Variants in NLRP1 observed in about 807,000 individuals in gnomAD.
NLRP1 encodes NACHT, LRR and PYD domains-containing protein 1.
Under a neutral mutation model 136.7 loss-of-function variants are expected in NLRP1, and 94 were observed. That is an observed-to-expected ratio of 0.69 (90% CI 0.58 to 0.82). The LOEUF is 0.82. Among genes scored for constraint, NLRP1 ranks in the 40% least tolerant of loss-of-function variants. The pLI is 0.00. For missense variants in NLRP1, 1,575 were observed against 1,802.7 expected (o/e 0.87, Z 2.29); for synonymous variants, 690 against 725.1 (o/e 0.95, Z 0.78).
chr17:5,581,694 C>T lies in NLRP1; in HGVS notation c.652+165G>A, dbSNP rs776012068. On this transcript the variant is annotated intron_variant, in intron 3 of 16. Transcript: ENST00000572272. The stretch of plus-strand genomic sequence containing the variant: ...GTCCAGGTGCCTCCTGGAAACAGTG[C>T]CTTGGACCAGTGGAGAGGCTCCAAG... Among the ~76,000 whole-genome samples the T allele has an allele frequency of 2.2e-4, 34 of 152,202 alleles. 7 individuals carry two copies. Among genetic ancestry groups the T allele is most frequent in the Admixed American group, 1.7e-3 (26 of 15,290 alleles).
chr17:5,547,726 C>T (rs1043275513), intron 5 of NLRP1, among the ~76,000 whole-genome samples: 1 of 152,214 alleles, frequency 6.6e-6, no homozygotes, highest in Middle Eastern at 3.4e-3. Flanking sequence ...TGGTGGTTCT[C>T]CTTGGATAGG....
rs142820475 is a variant in NLRP1, at chr17:5,560,128, C to T, written c.653-85G>A. On this transcript the variant is annotated intron_variant, in intron 3 of 16. Transcript: ENST00000572272. Reference sequence around the variant, plus strand: ...ATTAAACAACTGTTTTAGGCACCTACTCCAAGCCACACACTGCGCTGTCTG... The same window carrying T: ...ATTAAACAACTGTTTTAGGCACCTATTCCAAGCCACACACTGCGCTGTCTG... 1,365 of 1,237,562 alleles carry T rather than the reference C, an allele frequency of 1.1e-3. 19 individuals are homozygous for T. In the Admixed American group the frequency reaches 0.028, roughly 26 times the overall value. The allele number at this position is 1,237,562 out of a possible 1,614,324, so 76.7% of individuals were successfully genotyped here. A position where few individuals can be genotyped will look rare whatever the true frequency, so the allele number is the denominator to read the frequency against.
At chr17:5,572,131 A>T (rs1338389907) in intron 3 of NLRP1, among the ~76,000 whole-genome samples, 1 of 152,222 alleles carries the variant, frequency 6.6e-6, no homozygotes, top group Non-Finnish European at 1.5e-5. Flanking sequence ...CGTAAAACCT[A>T]GAACTTTAAA....
rs1221777507 is a variant in NLRP1, at chr17:5,532,277, CACA to C, written c.3296+542_3296+544del. On this transcript the variant is annotated intron_variant, in intron 11 of 16. Coordinates refer to ENST00000572272, the MANE Select transcript of NLRP1 (RefSeq NM_033004.4). The stretch of plus-strand genomic sequence containing the variant: ...CAAATCAAACCAAACCCAACCAAAC[CACA>C]ACACCAACTATAAGAACATGTTTTA... Among the ~76,000 whole-genome samples the C allele has an allele frequency of 2.0e-5, 3 of 152,088 alleles. No homozygotes were observed. In the South Asian group the frequency reaches 6.2e-4, roughly 32 times the overall value.
Position 5,534,056 on chromosome 17 carries a change from C to T in NLRP1, c.2961-68G>A, listed in dbSNP as rs887829034. 8.0e-6 allele frequency: 9 copies of T among 1,129,034 alleles called. No individual in the cohort carries two copies. The South Asian group carries it at 1.1e-4, about 14-fold the overall frequency. 69.9% of individuals were successfully genotyped at this position (1,129,034 alleles called of 1,614,324 possible). Reference sequence around the variant, plus strand: ...GCGAGGGCTGTCCACATGACATTCCCACTAAAAATTCAACTCCTCCTCGGG... The same window carrying T: ...GCGAGGGCTGTCCACATGACATTCCTACTAAAAATTCAACTCCTCCTCGGG... On this transcript the variant is annotated intron_variant, in intron 8 of 16. Transcript: ENST00000572272.
chr17:5,561,729 C>T (rs1914779513), intron 3 of NLRP1, among the ~76,000 whole-genome samples: 2 of 43,066 alleles, frequency 4.6e-5, no homozygotes, highest in Admixed American at 2.3e-4. Flanking sequence ...AGGCGTGAGC[C>T]ACCGCGCCCG....
downstream of NLRP1, among the ~76,000 whole-genome samples, chr17:5,510,697 G>C (rs1907582121): frequency 6.6e-6 from 1 of 151,862 alleles, no homozygotes; most frequent in Non-Finnish European, 1.5e-5. Context: ...TTTTTTTTAA[G>C]AGACGGGGTC....
rs201872287 is a variant in NLRP1 at position 5,539,412 on chromosome 17, T to C, written c.2870+3A>G. The C allele has an allele frequency of 1.9e-5, 30 of 1,610,700 alleles. No individual in the cohort carries two copies. Among genetic ancestry groups the C allele is most frequent in the Non-Finnish European group, 2.5e-5 (30 of 1,178,336 alleles). On this transcript the variant is annotated splice_donor_region_variant and intron_variant, in intron 7 of 16. Coordinates refer to ENST00000572272, the MANE Select transcript of NLRP1 (RefSeq NM_033004.4). ...TGCCCAGAAGGGACCCACAGGGCCTTACCCCAGGCGTATGAGTTTGCAGGC... is the reference window on the plus strand; with the variant it reads ...TGCCCAGAAGGGACCCACAGGGCCTCACCCCAGGCGTATGAGTTTGCAGGC...
At chr17:5,518,590 A>G in intron 14 of NLRP1, 1 of 148,356 alleles carries the variant, frequency 6.7e-6, no homozygotes, top group Non-Finnish European at 1.5e-5. Context: ...TTTTTTTTAA[A>G]GAGAGATGGG....
rs758290019 is a variant in NLRP1 at position 5,533,991 on chromosome 17, G to A, written c.2961-3C>T. 3.1e-6 allele frequency: 5 copies of A among 1,598,644 alleles called. No individual in the cohort carries two copies. The highest frequency in any genetic ancestry group is 1.7e-5 in the Admixed American group (1 of 60,006). ...TAGGGGTCATCACACTTGGTTTCCT[G>A]GACAAAGAATTGTTCATTCTGCCTA... On this transcript the variant is annotated splice_region_variant and splice_polypyrimidine_tract_variant and intron_variant, in intron 8 of 16. Transcript: ENST00000572272.
intron 13 of NLRP1, 108 bp downstream of exon 13, chr17:5,521,416 G>A: frequency 8.6e-7 from 1 of 1,163,242 alleles, no homozygotes; most frequent in Non-Finnish European, 1.2e-6. Flanking sequence ...TCCTGTACAA[G>A]AGGCCCATCC....
At chr17:5,557,317 T>A (rs1432430581) in intron 4 of NLRP1, among the ~76,000 whole-genome samples, 1 of 152,220 alleles carries the variant, frequency 6.6e-6, no homozygotes, top group African/African-American at 2.4e-5. Flanking sequence ...CATATCTTTT[T>A]TTTTTTCCTA....
In NLRP1 at chr17:5,541,768, GTCTCACCTTCTCTCTGCTCTTACCC is replaced by G; in HGVS notation, c.2699+64_2699+88del. On this transcript the variant is annotated intron_variant, in intron 6 of 16. Transcript: ENST00000572272. The surrounding 1 kb of genome is among the most constrained non-coding windows in gnomAD (Gnocchi z 4.2). ...GGCTCCTCCCACTCCCACAAAGCAG[GTCTCACCTTCTCTCTGCTCTTACCC>G]TCTGCCTGCCTCATGGTGGCAGGCA... 7.4e-7 allele frequency: 1 copy of G among 1,342,590 alleles called. No homozygotes were observed. The highest frequency in any genetic ancestry group is 1.0e-6 in the Non-Finnish European group (1 of 955,316). The allele number at this position is 1,342,590 out of a possible 1,614,324, so 83.2% of individuals were successfully genotyped here.
chr17:5,528,075 G>A (rs894707247), intron 12 of NLRP1, among the ~76,000 whole-genome samples: 2 of 152,244 alleles, frequency 1.3e-5, no homozygotes, highest in African/African-American at 4.8e-5. Flanking sequence ...GCAGGGAGTG[G>A]TGGTGCAGCC....
At chr17:5,556,380 G>C (rs935923571) in intron 4 of NLRP1, among the ~76,000 whole-genome samples, 1 of 151,724 alleles carries the variant, frequency 6.6e-6, no homozygotes, top group Admixed American at 6.6e-5. Context: ...CTTAAACTCG[G>C]GTGGTCCAGG....
At chr17:5,571,600 G>T (rs1315003819) in intron 3 of NLRP1, among the ~76,000 whole-genome samples, 1 of 152,128 alleles carries the variant, frequency 6.6e-6, no homozygotes, top group African/African-American at 2.4e-5. Flanking sequence ...AATCAGAGAT[G>T]ATACACACAC....
chr17:5,561,073 T>A (rs1209136644), intron 3 of NLRP1, among the ~76,000 whole-genome samples: 1 of 152,280 alleles, frequency 6.6e-6, no homozygotes, highest in Non-Finnish European at 1.5e-5. Flanking sequence ...TTTATTTTTT[T>A]GAGGCAGAGT....
rs1028277920 is a variant in NLRP1, at chr17:5,584,297, C to T, written c.-340G>A. The T allele has an allele frequency of 5.5e-6, 2 of 361,302 alleles. No homozygotes were observed. Among genetic ancestry groups the T allele is most frequent in the South Asian group, 3.1e-5 (1 of 32,110 alleles). 22.4% of individuals were successfully genotyped at this position (361,302 alleles called of 1,614,324 possible). On this transcript the variant is annotated 5_prime_UTR_variant, in exon 1 of 17. Coordinates refer to ENST00000572272, the MANE Select transcript of NLRP1 (RefSeq NM_033004.4). Reference sequence around the variant, plus strand: ...TGGGGTGTGGGCAACGCTCACTGTTCTGTGTTCCTCAGATTCTTCCCTCTC... The same window carrying T: ...TGGGGTGTGGGCAACGCTCACTGTTTTGTGTTCCTCAGATTCTTCCCTCTC...
chr17:5,544,281 C>T (rs940298092), intron 5 of NLRP1, among the ~76,000 whole-genome samples: 1 of 152,152 alleles, frequency 6.6e-6, no homozygotes, highest in Non-Finnish European at 1.5e-5. Flanking sequence ...CAGGTGGCAG[C>T]CTTTCTCGAT....
Sources: allele counts gnomAD v4.1 joint callset (sites outside exome capture counted in the v4.1 genomes callset), GRCh38; gene constraint gnomAD v4.1.1; non-coding constraint Gnocchi (gnomAD v3.1); transcripts MANE v1.5; gene names NCBI Gene and HGNC (gene_info 2026-07-23, HGNC 2026-07-21).